The following FAM78B variants were observed in gnomAD, a reference collection of about 807,000 sequenced individuals.
FAM78B encodes protein FAM78B.
A neutral mutation model predicts 20.0 loss-of-function variants in FAM78B; 10 were observed. The ratio of observed to expected loss-of-function variants is 0.50; its 90% CI spans 0.31 to 0.85. The LOEUF (loss-of-function observed/expected upper bound fraction) is 0.85, where lower values mean the gene tolerates loss of function less well. Ranked by LOEUF, FAM78B falls within the 40% of genes least tolerant of loss-of-function variation. The pLI is 0.05. For synonymous variants in FAM78B, 135 were observed against 132.8 expected, an observed-to-expected ratio of 1.02 and a Z score of -0.12; for missense variants, 283 against 345.0, an observed-to-expected ratio of 0.82 and a Z score of 1.42.
rs1425512333 is a variant in FAM78B at position 166,117,915 on chromosome 1, T to A, written c.264-47152A>T. Among the ~76,000 whole-genome samples, 5 of 151,800 alleles carry A rather than the reference T, an allele frequency of 3.3e-5. 1 individual carries two copies. The highest frequency in any genetic ancestry group is 7.4e-5 in the Non-Finnish European group (5 of 67,986). ...CCCACAGAATTGCTCACCTTAAAAATCTGGGCAAGGGTGAGCAAACCCGAC... is the reference window on the plus strand; with the variant it reads ...CCCACAGAATTGCTCACCTTAAAAAACTGGGCAAGGGTGAGCAAACCCGAC... On this transcript the variant is annotated intron_variant, in intron 1 of 1. Coordinates refer to ENST00000354422, the MANE Select transcript of FAM78B (RefSeq NM_001017961.5).
At chr1:166,165,815 CCT>C (rs2101811049) in intron 1 of FAM78B, among the ~76,000 whole-genome samples, 169 bp downstream of exon 1, 1 of 152,276 alleles carries the variant, frequency 6.6e-6, no homozygotes, top group African/African-American at 2.4e-5. Flanking sequence ...CTACACCCGC[CCT>C]GTCACTGAAA....
chr1:166,148,416 G>T (rs1655546079), intron 1 of FAM78B, among the ~76,000 whole-genome samples: 1 of 152,152 alleles, frequency 6.6e-6, no homozygotes, highest in Non-Finnish European at 1.5e-5. Context: ...TTCTAACCTG[G>T]TGTTATATTC....
rs541934767 is a variant in FAM78B at position 166,146,424 on chromosome 1, T to C, written c.263+19562A>G. On this transcript the variant is annotated intron_variant, in intron 1 of 1. Transcript: ENST00000354422. Reference sequence around the variant, plus strand: ...ATAAAGCTGGTACTTGATAAAATAATAAATAAGGGCTGCTGACCGGACAGG... The same window carrying C: ...ATAAAGCTGGTACTTGATAAAATAACAAATAAGGGCTGCTGACCGGACAGG... Among the ~76,000 whole-genome samples, 3 of 152,274 alleles carry C rather than the reference T, an allele frequency of 2.0e-5. No individual in the cohort carries two copies. The South Asian group carries it at 6.2e-4, about 32-fold the overall frequency.
intron 1 of FAM78B, among the ~76,000 whole-genome samples, chr1:166,142,876 G>A (rs1250099501): frequency 6.6e-6 from 1 of 152,200 alleles, no homozygotes; most frequent in African/African-American, 2.4e-5. Flanking sequence ...CTGTGTCAGG[G>A]CACAGGGTGC....
intron 1 of FAM78B, among the ~76,000 whole-genome samples, chr1:166,117,658 G>C (rs1007745814): frequency 2.0e-5 from 3 of 152,192 alleles, no homozygotes; most frequent in Non-Finnish European, 4.4e-5. Flanking sequence ...GCAGACCTAT[G>C]GGTTTTATAG....
downstream of FAM78B, among the ~76,000 whole-genome samples, chr1:166,065,495 C>G (rs1651761571): frequency 6.6e-6 from 1 of 152,162 alleles, no homozygotes; most frequent in South Asian, 2.1e-4. Flanking sequence ...CCATCTTGAA[C>G]AGAGATGCCT....
chr1:166,099,650 T>C (rs1310262461), intron 1 of FAM78B, among the ~76,000 whole-genome samples: 2 of 151,938 alleles, frequency 1.3e-5, no homozygotes, highest in African/African-American at 4.8e-5. Flanking sequence ...AAACAAACTT[T>C]AAAGCAACAG....
chr1:166,139,534 C>T (rs907006472), intron 1 of FAM78B, among the ~76,000 whole-genome samples: 4 of 151,946 alleles, frequency 2.6e-5, no homozygotes, highest in Admixed American at 6.6e-5. Context: ...GGGGCAGAGT[C>T]GAGAGGGAAC....
rs1023673647 is a variant in FAM78B, at chr1:166,157,544, G to A, written c.263+8442C>T. Reference sequence around the variant, plus strand: ...TGGCATGTACCCCAGAACCTAATGAGGGAGCAGGGTCCACATGGGCCTCGA... The same window carrying A: ...TGGCATGTACCCCAGAACCTAATGAAGGAGCAGGGTCCACATGGGCCTCGA... On this transcript the variant is annotated intron_variant, in intron 1 of 1. Coordinates refer to ENST00000354422, the MANE Select transcript of FAM78B (RefSeq NM_001017961.5). 9.2e-5 allele frequency among the ~76,000 whole-genome samples: 14 copies of A among 152,144 alleles called. No homozygotes were observed. The East Asian group carries it at 1.5e-3, about 17-fold the overall frequency.
At chr1:166,105,488 T>A (rs995546558) in intron 1 of FAM78B, among the ~76,000 whole-genome samples, 1 of 152,020 alleles carries the variant, frequency 6.6e-6, no homozygotes, top group African/African-American at 2.4e-5. Context: ...GAATCTACAA[T>A]GAACTCAAAC....
chr1:166,101,982 G>A (rs953358646), intron 1 of FAM78B, among the ~76,000 whole-genome samples: 28 of 152,166 alleles, frequency 1.8e-4, no homozygotes, highest in Non-Finnish European at 2.5e-4. Flanking sequence ...ACCCACAGAG[G>A]GAAGCCCATC....
At chr1:166,152,919 GCCTGC>G (rs1655739694) in intron 1 of FAM78B, among the ~76,000 whole-genome samples, 1 of 152,078 alleles carries the variant, frequency 6.6e-6, no homozygotes, top group Admixed American at 6.6e-5. Context: ...CTCATGATCT[GCCTGC>G]CTTGGCCTCC....
intron 1 of FAM78B, among the ~76,000 whole-genome samples, chr1:166,114,630 T>C (rs1009599163): frequency 5.3e-5 from 8 of 152,202 alleles, no homozygotes; most frequent in Non-Finnish European, 7.3e-5. Flanking sequence ...ACTTGGTCCA[T>C]CCTGCATTAG....
At chr1:166,065,079 T>C (rs12122166), downstream of FAM78B, among the ~76,000 whole-genome samples, 104,259 of 152,104 alleles carry the variant, frequency 0.69, 36,049 homozygotes, top group East Asian at 0.82. Flanking sequence ...GTGGAGCTTA[T>C]TCTGTCTGGT....
At chr1:166,074,074 T>C (rs1652162113) in intron 1 of FAM78B, among the ~76,000 whole-genome samples, 2 of 152,250 alleles carry the variant, frequency 1.3e-5, no homozygotes, top group Admixed American at 6.5e-5. Flanking sequence ...ATCTTTTAGG[T>C]TGTCCAAGTG....
At chr1:166,056,473 T>C (rs1159175766), downstream of FAM78B, among the ~76,000 whole-genome samples, 1 of 152,070 alleles carries the variant, frequency 6.6e-6, no homozygotes, top group African/African-American at 2.4e-5. Flanking sequence ...CTCCATAGTT[T>C]TCAGAATCCA....
chr1:166,066,922 A>G (rs1187794758), downstream of FAM78B, among the ~76,000 whole-genome samples: 1 of 152,012 alleles, frequency 6.6e-6, no homozygotes, highest in African/African-American at 2.4e-5. Flanking sequence ...TGTGAGCTAC[A>G]GCAATGACCC....
chr1:166,106,562 G>A (rs552591547), intron 1 of FAM78B, among the ~76,000 whole-genome samples: 18 of 152,216 alleles, frequency 1.2e-4, no homozygotes, highest in African/African-American at 4.3e-4. Context: ...GTCATATAGT[G>A]AGCATTTAAG....
chr1:166,166,148 A>G lies in FAM78B; in HGVS notation c.101T>C (p.Ile34Thr). Reference protein sequence around the residue: ...CATIDQCPTRIEETSPIVLRY... With the variant: ...CATIDQCPTRTEETSPIVLRY... ...CAGGACGATGGGCGAGGTCTCCTCG[A>G]TGCGCGTGGGGCACTGGTCGATGGT... The change falls in exon 1 of 2, where the codon ATC becomes ACC. Residue 34 changes from isoleucine to threonine, a missense_variant. Coordinates refer to ENST00000354422, the MANE Select transcript of FAM78B (RefSeq NM_001017961.5). The G allele has an allele frequency of 6.2e-7, 1 of 1,607,228 alleles. No individual in the cohort carries two copies. The highest frequency in any genetic ancestry group is 8.5e-7 in the Non-Finnish European group (1 of 1,176,822).
Sources: gnomAD v4.1 joint callset for allele counts (sites outside exome capture counted in the v4.1 genomes callset) on GRCh38, gnomAD v4.1.1 for gene constraint, MANE v1.5 for transcripts, NCBI Gene and HGNC (gene_info 2026-07-23, HGNC 2026-07-21) for gene names.